Variants in RARB observed in about 807,000 individuals in gnomAD.
RARB encodes HBV-activated protein.
Under a neutral mutation model 51.9 loss-of-function variants are expected in RARB, and 17 were observed. The ratio of observed to expected loss-of-function variants is 0.33; its 90% CI spans 0.22 to 0.49. The LOEUF is 0.49. RARB is among the 20% of genes least tolerant of loss of function. RARB has a pLI of 0.99. For synonymous variants in RARB, 215 were observed against 195.4 expected (o/e 1.10, Z -0.84); for missense variants, 369 against 550.8 (o/e 0.67, Z 3.30).
intron 2 of RARB, among the ~76,000 whole-genome samples, chr3:24,961,284 T>G (rs746943671): frequency 2.0e-5 from 3 of 152,216 alleles, no homozygotes; most frequent in Non-Finnish European, 4.4e-5. Context: ...ATACGGTAGT[T>G]CTAATTTTTC....
chr3:24,838,808 A>G (rs1481175576), intron 1 of RARB, among the ~76,000 whole-genome samples: 1 of 152,188 alleles, frequency 6.6e-6, no homozygotes, highest in Admixed American at 6.5e-5. Context: ...GGGCAGCCCT[A>G]ACTTAGCTCC....
At chr3:24,985,737 G>A (rs62228466) in intron 2 of RARB, among the ~76,000 whole-genome samples, 2,379 of 152,196 alleles carry the variant, frequency 0.016, 28 homozygotes, top group Middle Eastern at 0.031. Context: ...GCCTTCTCCA[G>A]AACAGTCCCA....
At chr3:25,420,995 A>C (rs964592429) in intron 5 of RARB, among the ~76,000 whole-genome samples, 16 of 151,592 alleles carry the variant, frequency 1.1e-4, no homozygotes, top group Non-Finnish European at 2.2e-4. Context: ...TTATGCCAAA[A>C]AAAAAAAAAA....
At chr3:25,255,432 C>T (rs896669528) in intron 5 of RARB, among the ~76,000 whole-genome samples, 1 of 152,156 alleles carries the variant, frequency 6.6e-6, no homozygotes, top group African/African-American at 2.4e-5. Flanking sequence ...GAATTTCCTC[C>T]TCTGCCTTCT....
intron 4 of RARB, among the ~76,000 whole-genome samples, chr3:25,135,227 A>C (rs575191887): frequency 8.0e-4 from 121 of 152,104 alleles, no homozygotes; most frequent in African/African-American, 2.8e-3. Flanking sequence ...AGTGCAACTA[A>C]GGAACTGATT....
rs150768246 is a variant in RARB at position 25,055,856 on chromosome 3, G to A, written c.-379-4269G>A. 3.9e-5 allele frequency among the ~76,000 whole-genome samples: 6 copies of A among 152,188 alleles called. No homozygotes were observed. The East Asian group carries it at 1.2e-3, about 30-fold the overall frequency. On this transcript the variant is annotated intron_variant, in intron 2 of 11. Coordinates refer to the RARB transcript ENST00000383772. Reference sequence around the variant, plus strand: ...CCTCCAAAAAGAGTCACAGGTGCTGGCTGTTGGGAGTGAAAGTACATGGGG... The same window carrying A: ...CCTCCAAAAAGAGTCACAGGTGCTGACTGTTGGGAGTGAAAGTACATGGGG...
chr3:25,000,262 A>G (rs368391018), intron 2 of RARB, among the ~76,000 whole-genome samples: 1 of 152,098 alleles, frequency 6.6e-6, no homozygotes, highest in East Asian at 1.9e-4. Context: ...TTTTAGGCTG[A>G]CTTCATCTAT....
Position 25,227,311 on chromosome 3 carries a change from A to G in RARB, c.178+52736A>G, listed in dbSNP as rs149801243. On this transcript the variant is annotated intron_variant, in intron 5 of 11. Transcript: ENST00000383772. Reference sequence around the variant, plus strand: ...GTTTGACATATTAACTAAGTGTAGTAGATGTGTTTATCCATTCAAAAGGGG... The same window carrying G: ...GTTTGACATATTAACTAAGTGTAGTGGATGTGTTTATCCATTCAAAAGGGG... Among the ~76,000 whole-genome samples, 419 of 152,360 alleles carry G rather than the reference A, an allele frequency of 2.8e-3. 2 individuals carry two copies. Among genetic ancestry groups the G allele is most frequent in the African/African-American group, 9.7e-3 (404 of 41,596 alleles).
At chr3:25,449,444 C>G (rs1351421117) in intron 1 of RARB, among the ~76,000 whole-genome samples, 1 of 152,072 alleles carries the variant, frequency 6.6e-6, no homozygotes, top group East Asian at 1.9e-4. Context: ...TACTTTTGTT[C>G]TTTATGCTGG....
At chr3:25,158,017 C>A (rs140502565) in intron 4 of RARB, among the ~76,000 whole-genome samples, 3 of 152,206 alleles carry the variant, frequency 2.0e-5, no homozygotes, top group Non-Finnish European at 4.4e-5. Context: ...AAAGAATGCA[C>A]GTGTATAAAT....
intron 5 of RARB, among the ~76,000 whole-genome samples, chr3:25,200,852 G>C (rs1011992618): frequency 3.9e-5 from 6 of 152,112 alleles, no homozygotes; most frequent in African/African-American, 1.2e-4. Context: ...TAGCCTTGTA[G>C]TATAGTTTGA....
chr3:25,359,648 C>G (rs9815423), intron 5 of RARB, among the ~76,000 whole-genome samples: 124,842 of 152,186 alleles, frequency 0.82, 51,752 homozygotes, highest in East Asian at 1. Flanking sequence ...TACTTTAGCT[C>G]TGTACCAGAG....
chr3:24,989,797 T>C (rs1412013265), intron 2 of RARB, among the ~76,000 whole-genome samples: 2 of 33,670 alleles, frequency 5.9e-5, no homozygotes, highest in African/African-American at 2.7e-4. Context: ...TTTTTTTTTT[T>C]TTTTTTTTTT....
rs7631496 is a variant in RARB at position 25,206,375 on chromosome 3, G to A, written c.178+31800G>A. 2.4e-3 allele frequency among the ~76,000 whole-genome samples: 359 copies of A among 152,250 alleles called. 1 individual carries two copies. The highest frequency in any genetic ancestry group is 8.4e-3 in the African/African-American group (349 of 41,546). ...CTTGTTTTTACACCTAAATTACTCAGGTGACATTTTAAAATTCCAGGGAAA... is the reference window on the plus strand; with the variant it reads ...CTTGTTTTTACACCTAAATTACTCAAGTGACATTTTAAAATTCCAGGGAAA... On this transcript the variant is annotated intron_variant, in intron 5 of 11. Coordinates refer to the RARB transcript ENST00000383772.
At chr3:25,475,001 T>A (rs1259605873) in intron 2 of RARB, among the ~76,000 whole-genome samples, 2 of 152,158 alleles carry the variant, frequency 1.3e-5, no homozygotes, top group Non-Finnish European at 2.9e-5. Context: ...AAATTATGAA[T>A]TACATTACAA....
chr3:25,501,655 G>A (rs1401309431), intron 3 of RARB, among the ~76,000 whole-genome samples: 3 of 152,144 alleles, frequency 2.0e-5, no homozygotes, highest in Non-Finnish European at 4.4e-5. Context: ...TTGACAATGG[G>A]TATAAGGATC....
intron 5 of RARB, among the ~76,000 whole-genome samples, chr3:25,209,731 TA>T (rs547389576): frequency 1.3e-5 from 2 of 150,724 alleles, no homozygotes; most frequent in African/African-American, 4.9e-5. Flanking sequence ...ACTTTGAAAA[TA>T]AAAAAAAAGA....
At chr3:25,150,564 A>G (rs913245924) in intron 4 of RARB, among the ~76,000 whole-genome samples, 1 of 152,206 alleles carries the variant, frequency 6.6e-6, no homozygotes, top group Non-Finnish European at 1.5e-5. Context: ...TATGGACAAG[A>G]AAGAAAATTT....
At chr3:25,007,638 TAC>T (rs1375455084) in intron 2 of RARB, among the ~76,000 whole-genome samples, 2 of 130,758 alleles carry the variant, frequency 1.5e-5, no homozygotes, top group African/African-American at 5.9e-5. Context: ...AAGTGGTGCA[TAC>T]AGTTTTTGGA....
Sources: allele counts gnomAD v4.1 joint callset (sites outside exome capture counted in the v4.1 genomes callset), GRCh38; gene constraint gnomAD v4.1.1; transcripts MANE v1.5; gene names NCBI Gene and HGNC (gene_info 2026-07-23, HGNC 2026-07-21).